Variants in DIAPH2 observed in about 807,000 individuals in gnomAD.
DIAPH2 encodes diaphanous related formin 2.
In DIAPH2, 35 loss-of-function variants were observed where a neutral mutation model predicts 92.7. The ratio of observed to expected loss-of-function variants is 0.38; its 90% CI spans 0.29 to 0.50. DIAPH2 has a LOEUF of 0.50. DIAPH2 is among the 20% of genes least tolerant of loss of function. The pLI, the probability that DIAPH2 is intolerant of heterozygous loss-of-function variation, is 0.94. For missense variants in DIAPH2, 701 were observed against 819.5 expected (o/e 0.86, Z 1.77); for synonymous variants, 301 against 280.4 (o/e 1.07, Z -0.73).
intron 11 of DIAPH2, among the ~76,000 whole-genome samples, chrX:96,937,704 A>T (rs750667143): frequency 1.8e-5 from 2 of 112,169 alleles, no homozygotes; most frequent in African/African-American, 3.2e-5. Context: ...TGAAATACTT[A>T]TTCAGTTTAT....
At chrX:97,276,111 C>T (rs2068449045) in intron 23 of DIAPH2, among the ~76,000 whole-genome samples, 1 of 111,801 alleles carries the variant, frequency 8.9e-6, no homozygotes, top group South Asian at 3.7e-4. Flanking sequence ...CCCGTCTCCA[C>T]CAAAAAAATA....
chrX:97,100,845 T>C (rs1338656922), intron 20 of DIAPH2, among the ~76,000 whole-genome samples: 1 of 111,825 alleles, frequency 8.9e-6, no homozygotes, highest in Non-Finnish European at 1.9e-5. Flanking sequence ...CATGTTCCTT[T>C]TGAACATGTG....
chrX:96,837,439 G>C (rs1007302606), intron 4 of DIAPH2, among the ~76,000 whole-genome samples: 16 of 96,554 alleles, frequency 1.7e-4, no homozygotes, highest in Non-Finnish European at 3.3e-4. Flanking sequence ...CTCTCTGTGT[G>C]TGTGTGTGTG....
intron 23 of DIAPH2, among the ~76,000 whole-genome samples, chrX:97,300,930 TTAAAAAAAAAAA>T (rs1400894633): frequency 1.0e-3 from 9 of 8,593 alleles, no homozygotes; most frequent in African/African-American, 3.1e-3. Flanking sequence ...AGACTCCGTC[TTAAAAAAAAAAA>T]AAAAAAAAAA....
intron 26 of DIAPH2, among the ~76,000 whole-genome samples, chrX:97,460,332 T>C (rs1430578925): frequency 1.8e-5 from 2 of 112,010 alleles, no homozygotes; most frequent in African/African-American, 6.5e-5. Flanking sequence ...CTCGTTATTA[T>C]TACTGCTATT....
rs914628690 is a variant in DIAPH2, at chrX:97,507,166, A to T, written c.3241+77421A>T. Among the ~76,000 whole-genome samples, 5 of 92,065 alleles carry T rather than the reference A, an allele frequency of 5.4e-5. No individual in the cohort carries two copies. The East Asian group carries it at 1.7e-3, about 31-fold the overall frequency. The allele number at this position is 92,065 out of a possible 115,157, so 79.9% of individuals were successfully genotyped here. On this transcript the variant is annotated intron_variant, in intron 26 of 26. Transcript: ENST00000324765. ...CAAAAAAAAAAAAAAAAAAAAAAAA[A>T]TCCCTACCTTCAGAGAGCATAAATT...
intron 17 of DIAPH2, among the ~76,000 whole-genome samples, chrX:96,995,958 G>A (rs2066102419): frequency 9.2e-6 from 1 of 108,962 alleles, no homozygotes; most frequent in Non-Finnish European, 1.9e-5. Flanking sequence ...AAAAAGAAAG[G>A]GTTAACAACT....
intron 17 of DIAPH2, among the ~76,000 whole-genome samples, chrX:97,066,128 C>T (rs925130331): frequency 1.8e-5 from 2 of 111,733 alleles, no homozygotes; most frequent in Non-Finnish European, 3.8e-5. Context: ...TGTGTACAGC[C>T]TATGTCTATA....
At chrX:97,524,567 AAG>A (rs1266231463) in intron 26 of DIAPH2, among the ~76,000 whole-genome samples, 2 of 112,393 alleles carry the variant, frequency 1.8e-5, no homozygotes, top group East Asian at 5.6e-4. Context: ...AGGCATAGAT[AAG>A]ATATTGCACC....
intron 23 of DIAPH2, among the ~76,000 whole-genome samples, chrX:97,282,395 C>T (rs779338805): frequency 3.6e-5 from 4 of 111,752 alleles, no homozygotes; most frequent in African/African-American, 9.7e-5. Flanking sequence ...CTGCAACCTC[C>T]GCCACCCAGG....
At chrX:97,272,668 C>T (rs779906466) in intron 23 of DIAPH2, among the ~76,000 whole-genome samples, 1 of 111,170 alleles carries the variant, frequency 9.0e-6, no homozygotes, top group South Asian at 3.8e-4. Flanking sequence ...TAATTAAGTT[C>T]ATGGGTAATA....
chrX:97,229,620 G>C (rs2067991841), intron 22 of DIAPH2, among the ~76,000 whole-genome samples: 1 of 110,132 alleles, frequency 9.1e-6, no homozygotes, highest in Non-Finnish European at 1.9e-5. Context: ...TGGTTTCTGG[G>C]AGAAGGTGGT....
chrX:97,119,407 T>G (rs964294091), intron 21 of DIAPH2, among the ~76,000 whole-genome samples: 1 of 111,636 alleles, frequency 9.0e-6, no homozygotes, highest in Non-Finnish European at 1.9e-5. Context: ...ATGTGAACCA[T>G]CTATGGGCCT....
At chrX:97,078,600 CTTA>C (rs762202329) in intron 19 of DIAPH2, among the ~76,000 whole-genome samples, 1 of 111,757 alleles carries the variant, frequency 8.9e-6, no homozygotes, top group East Asian at 2.8e-4. Flanking sequence ...AATTACAGTA[CTTA>C]TTAGAGCTGC....
chrX:97,258,233 A>T (rs1209839196), intron 23 of DIAPH2, among the ~76,000 whole-genome samples: 2 of 111,948 alleles, frequency 1.8e-5, no homozygotes, highest in Non-Finnish European at 3.8e-5. Context: ...AAATTCTTGC[A>T]TACTTTATGA....
chrX:97,301,647 T>G (rs1602492224), intron 23 of DIAPH2, among the ~76,000 whole-genome samples: 2 of 111,655 alleles, frequency 1.8e-5, no homozygotes, highest in South Asian at 3.8e-4. Context: ...GGGACCAAAA[T>G]GATGAATTAA....
chrX:97,086,993 T>C (rs959324195), intron 19 of DIAPH2, among the ~76,000 whole-genome samples: 2 of 111,935 alleles, frequency 1.8e-5, no homozygotes, highest in African/African-American at 3.2e-5. Flanking sequence ...ATCTCTGTCA[T>C]TGGAAGTCAG....
chrX:97,433,281 T>G (rs1258942090), intron 26 of DIAPH2, among the ~76,000 whole-genome samples: 3 of 109,929 alleles, frequency 2.7e-5, no homozygotes, highest in African/African-American at 9.9e-5. Flanking sequence ...GAGGCTGAGG[T>G]GAGAGGATCA....
chrX:97,446,276 G>C (rs775382209), intron 26 of DIAPH2, among the ~76,000 whole-genome samples: 5 of 111,992 alleles, frequency 4.5e-5, no homozygotes, highest in Non-Finnish European at 7.5e-5. Context: ...TTTCATAAAA[G>C]TTCCTCAAAC....
Sources: gnomAD v4.1 joint callset for allele counts (sites outside exome capture counted in the v4.1 genomes callset) on GRCh38, gnomAD v4.1.1 for gene constraint, MANE v1.5 for transcripts, NCBI Gene and HGNC (gene_info 2026-07-23, HGNC 2026-07-21) for gene names.